The following TENM1 variants were observed in gnomAD, a reference collection of about 807,000 sequenced individuals.
TENM1 encodes the protein teneurin-1.
In TENM1, 35 loss-of-function variants were observed where a neutral mutation model predicts 174.8. That is an observed-to-expected ratio of 0.20 (90% CI 0.15 to 0.27). The LOEUF is 0.27. Among genes scored for constraint, TENM1 ranks in the 10% least tolerant of loss-of-function variants. The pLI, the probability that TENM1 is intolerant of heterozygous loss-of-function variation, is 1.00. For missense variants in TENM1, 1,633 were observed against 2,130.1 expected (o/e 0.77, Z 4.59); for synonymous variants, 781 against 798.7 (o/e 0.98, Z 0.37).
chrX:124,786,304 T>A (rs940759804), intron 3 of TENM1, among the ~76,000 whole-genome samples: 1 of 111,683 alleles, frequency 9.0e-6, no homozygotes, highest in Non-Finnish European at 1.9e-5. Flanking sequence ...TCATATGTGA[T>A]CTGGCAAATG....
chrX:125,066,553 G>T, the TENM1 span, among the ~76,000 whole-genome samples: 1 of 111,403 alleles, frequency 9.0e-6, no homozygotes, highest in Non-Finnish European at 1.9e-5. Flanking sequence ...CATTTTCTCT[G>T]GGTCTCAATT....
chrX:125,145,069 G>A, the TENM1 span, among the ~76,000 whole-genome samples: 1 of 111,234 alleles, frequency 9.0e-6, no homozygotes, highest in African/African-American at 3.3e-5. Flanking sequence ...TTTAATGAGT[G>A]AATGAATGAG....
the TENM1 span, among the ~76,000 whole-genome samples, chrX:125,060,957 C>G: frequency 1.8e-5 from 2 of 108,344 alleles, no homozygotes; most frequent in East Asian, 5.7e-4. Context: ...ACCTGTTTAT[C>G]CTCCAAATCA....
At chrX:124,582,792 G>A (rs1182028219) in intron 11 of TENM1, among the ~76,000 whole-genome samples, 1 of 112,016 alleles carries the variant, frequency 8.9e-6, no homozygotes, top group Non-Finnish European at 1.9e-5. Flanking sequence ...CAAAGAAAGG[G>A]GTGAATCGGC....
chrX:124,666,686 T>C (rs1329493123), intron 6 of TENM1, among the ~76,000 whole-genome samples: 1 of 111,675 alleles, frequency 9.0e-6, no homozygotes. Flanking sequence ...AAAGGCCGTA[T>C]ACAGACCCTC....
At chrX:125,017,151 T>C in the TENM1 span, among the ~76,000 whole-genome samples, 24 of 111,962 alleles carry the variant, frequency 2.1e-4, 1 homozygote, top group Admixed American at 2.2e-3. Context: ...GACATAGGCA[T>C]GGGCAAAGAC....
chrX:124,988,104 G>A, the TENM1 span, among the ~76,000 whole-genome samples: 2 of 111,544 alleles, frequency 1.8e-5, no homozygotes. Context: ...ACAGAGCAGT[G>A]ATTATAGAGG....
At chrX:124,955,793 G>GCACACACA (rs955862260) in intron 1 of TENM1, among the ~76,000 whole-genome samples, 1 of 78,116 alleles carries the variant, frequency 1.3e-5, no homozygotes, top group African/African-American at 6.3e-5. Flanking sequence ...CAACACACGC[G>GCACACACA]CACGCACACA....
chrX:124,814,069 G>C (rs1394867425), intron 3 of TENM1, among the ~76,000 whole-genome samples: 1 of 111,552 alleles, frequency 9.0e-6, no homozygotes, highest in Non-Finnish European at 1.9e-5. Context: ...ATGGCCAAGA[G>C]GGAGACAGCA....
chrX:125,165,974 C>T, the TENM1 span, among the ~76,000 whole-genome samples: 4 of 111,042 alleles, frequency 3.6e-5, no homozygotes, highest in South Asian at 3.7e-4. Flanking sequence ...AAAATGCATA[C>T]GAATATATAA....
chrX:124,863,697 A>G (rs1313906295), intron 3 of TENM1, among the ~76,000 whole-genome samples: 1 of 112,432 alleles, frequency 8.9e-6, no homozygotes, highest in Non-Finnish European at 1.9e-5. Context: ...GAAGGGAAGG[A>G]CACAGAGCTG....
chrX:125,159,696 T>G, the TENM1 span, among the ~76,000 whole-genome samples: 1 of 112,238 alleles, frequency 8.9e-6, no homozygotes, highest in Non-Finnish European at 1.9e-5. Flanking sequence ...AATAAGAACA[T>G]TTTTTGTATT....
chrX:124,528,485 C>T (rs2048030352), intron 16 of TENM1, among the ~76,000 whole-genome samples: 1 of 110,464 alleles, frequency 9.1e-6, no homozygotes, highest in Non-Finnish European at 1.9e-5. Context: ...GAGAAATAAC[C>T]CATTTCTCAA....
intron 1 of TENM1, among the ~76,000 whole-genome samples, chrX:124,918,266 G>A (rs1014498037): frequency 5.5e-5 from 6 of 108,291 alleles, no homozygotes; most frequent in African/African-American, 1.7e-4. Flanking sequence ...TGCAATCTCC[G>A]CCTCCCAGGT....
At chrX:125,126,174 C>T in the TENM1 span, among the ~76,000 whole-genome samples, 1 of 111,729 alleles carries the variant, frequency 9.0e-6, no homozygotes, top group Non-Finnish European at 1.9e-5. Context: ...TCCAGGAAGA[C>T]TCCTTTTGTG....
the TENM1 span, among the ~76,000 whole-genome samples, chrX:125,026,401 T>C: frequency 9.0e-6 from 1 of 111,548 alleles, no homozygotes; most frequent in African/African-American, 3.2e-5. Flanking sequence ...ATTAAACAAA[T>C]GAAATGTATA....
the TENM1 span, among the ~76,000 whole-genome samples, chrX:124,981,956 TAA>T: frequency 0.15 from 4,063 of 26,725 alleles, 266 homozygotes; most frequent in Middle Eastern, 0.25. Flanking sequence ...TAGAGTATAA[TAA>T]AAAAAAAAAA....
In TENM1 at chrX:124,510,775, T is replaced by TACAC. The variant is rs755205162; in HGVS notation, c.3302-7076_3302-7073dup. On this transcript the variant is annotated intron_variant, in intron 18 of 31. Transcript: ENST00000422452. ...GTGACCCAGCATCCACATGGGGAGA[T>TACAC]ACACACACACACACACACTTGAAGT... Among the ~76,000 whole-genome samples the TACAC allele has an allele frequency of 8.1e-3, 844 of 103,572 alleles. 10 individuals carry two copies. Among genetic ancestry groups the TACAC allele is most frequent in the African/African-American group, 0.027 (750 of 28,145 alleles). 89.9% of individuals were successfully genotyped at this position (103,572 alleles called of 115,157 possible).
rs1439784999 is a variant in TENM1, at chrX:124,396,888, G to C, written c.5392-4540C>G. Among the ~76,000 whole-genome samples, 4 of 112,237 alleles carry C rather than the reference G, an allele frequency of 3.6e-5. No homozygotes were observed. In the South Asian group the frequency reaches 1.1e-3, roughly 31 times the overall value. ...TGGGAATAGCTCCAAGTTAAAAAGG[G>C]TATCTTTGGATAGCTGTGCATTGAA... On this transcript the variant is annotated intron_variant, in intron 27 of 31. Coordinates refer to ENST00000422452, the Ensembl canonical transcript of TENM1.
Sources: allele counts gnomAD v4.1 joint callset (sites outside exome capture counted in the v4.1 genomes callset), GRCh38; gene constraint gnomAD v4.1.1; transcripts MANE v1.5; gene names NCBI Gene and HGNC (gene_info 2026-07-23, HGNC 2026-07-21).